The following LIMS1 variants were observed in gnomAD, a reference collection of about 807,000 sequenced individuals.
LIMS1 encodes LIM zinc finger domain containing 1, also known as LIM and senescent cell antigen-like-containing domain protein 1.
LIMS1 carries 18 observed loss-of-function variants against 44.1 expected under a neutral mutation model. The observed-to-expected ratio is 0.41, with a 90% CI of 0.28 to 0.61. The LOEUF (loss-of-function observed/expected upper bound fraction) is 0.61. LIMS1 is among the 20% of genes least tolerant of loss of function. LIMS1 has a pLI of 0.32. For synonymous variants in LIMS1, 93 were observed against 149.1 expected (o/e 0.62, Z 2.74); for missense variants, 201 against 422.0 (o/e 0.48, Z 4.59).
At chr2:108,650,423 T>C (rs904298413) in intron 1 of LIMS1, among the ~76,000 whole-genome samples, 1 of 146,290 alleles carries the variant, frequency 6.8e-6, no homozygotes, top group Non-Finnish European at 1.5e-5. Context: ...CTTTTTTTTT[T>C]TTTTTTCTTT....
chr2:108,584,717 C>T (rs1686024708), intron 1 of LIMS1, among the ~76,000 whole-genome samples: 3 of 152,084 alleles, frequency 2.0e-5, no homozygotes, highest in Middle Eastern at 6.8e-3. Flanking sequence ...TGAGCATTAG[C>T]GAAGGGAAGC....
chr2:108,562,740 C>G (rs1443508735), intron 1 of LIMS1, among the ~76,000 whole-genome samples: 1 of 152,218 alleles, frequency 6.6e-6, no homozygotes, highest in African/African-American at 2.4e-5. Flanking sequence ...TCCAGAAGAT[C>G]TAGCTAAGAT....
At chr2:108,570,620 G>A (rs1685450588) in intron 1 of LIMS1, among the ~76,000 whole-genome samples, 1 of 152,104 alleles carries the variant, frequency 6.6e-6, no homozygotes, top group Non-Finnish European at 1.5e-5. Context: ...AACTCTAAGG[G>A]GTTGTCTCCT....
intron 1 of LIMS1, among the ~76,000 whole-genome samples, chr2:108,544,129 A>G (rs1684406583): frequency 6.6e-6 from 1 of 152,206 alleles, no homozygotes; most frequent in African/African-American, 2.4e-5. Context: ...ATTTGTTAGT[A>G]GTTATTATAG....
intron 1 of LIMS1, among the ~76,000 whole-genome samples, chr2:108,643,269 G>T (rs367919247): frequency 6.6e-6 from 1 of 152,200 alleles, no homozygotes; most frequent in African/African-American, 2.4e-5. Flanking sequence ...CGGAAGGCAG[G>T]TGATTTCTGC....
chr2:108,616,322 C>G (rs1687932571), intron 1 of LIMS1, among the ~76,000 whole-genome samples: 1 of 151,850 alleles, frequency 6.6e-6, no homozygotes, highest in South Asian at 2.1e-4. Context: ...CATGATCCCC[C>G]CATCTCAGTC....
chr2:108,642,354 T>TTG (rs1558824069), intron 1 of LIMS1, among the ~76,000 whole-genome samples: 6 of 10,640 alleles, frequency 5.6e-4, no homozygotes, highest in African/African-American at 9.3e-4. Context: ...TTTTTTTTTT[T>TTG]TTTGTTTTTT....
At chr2:108,612,011 T>TATTATATATACACACATAA (rs1687670312) in intron 1 of LIMS1, among the ~76,000 whole-genome samples, 3 of 133,546 alleles carry the variant, frequency 2.2e-5, no homozygotes, top group Non-Finnish European at 3.2e-5. Context: ...TACACACATA[T>TATTATATATACACACATAA]ATATATACAC....
At chr2:108,606,756 G>T (rs1376334033) in intron 1 of LIMS1, among the ~76,000 whole-genome samples, 2 of 152,192 alleles carry the variant, frequency 1.3e-5, no homozygotes, top group Non-Finnish European at 2.9e-5. Flanking sequence ...GCTCTGGAAG[G>T]CTCCACCAAA....
At chr2:108,553,776 A>G (rs1245772702) in intron 1 of LIMS1, among the ~76,000 whole-genome samples, 1 of 152,188 alleles carries the variant, frequency 6.6e-6, no homozygotes, top group African/African-American at 2.4e-5. Flanking sequence ...TCTGTTGGAC[A>G]TTAGAGTATA....
chr2:108,680,759 A>G, exon 9 of LIMS1: 1 of 1,610,334 alleles, frequency 6.2e-7, no homozygotes, highest in Non-Finnish European at 8.5e-7. Context: ...GCAACACTAA[A>G]TTAACACTCA....
chr2:108,559,978 C>A lies in LIMS1; in HGVS notation c.32+25384C>A, dbSNP rs1685059426. Among the ~76,000 whole-genome samples, 3 of 147,470 alleles carry A rather than the reference C, an allele frequency of 2.0e-5. No homozygotes were observed. In the South Asian group the frequency reaches 7.2e-4, roughly 35 times the overall value. ...ACCACCTCCCATGGAGTCCTGGGTT[C>A]TCCCCACGTTGGAGCATCCTTTGCT... On this transcript the variant is annotated intron_variant, in intron 1 of 9. Transcript: ENST00000544547.
rs535462381 is a variant in LIMS1 at position 108,583,945 on chromosome 2, C to T, written c.32+49351C>T. 3.3e-5 allele frequency among the ~76,000 whole-genome samples: 5 copies of T among 152,056 alleles called. No homozygotes were observed. In the South Asian group the frequency reaches 8.3e-4, roughly 25 times the overall value. The stretch of plus-strand genomic sequence containing the variant: ...CTGACCTCAAGTGATCTGACCGCCT[C>T]GGCCTCCCAAAGTGCTGAGATTACA... On this transcript the variant is annotated intron_variant, in intron 1 of 9. Coordinates refer to ENST00000544547, the Ensembl canonical transcript of LIMS1.
chr2:108,673,142 G>A, intron 5 of LIMS1, 113 bp downstream of exon 5: 1 of 1,468,820 alleles, frequency 6.8e-7, no homozygotes, highest in Non-Finnish European at 9.3e-7. Flanking sequence ...TTTTAGTCTA[G>A]AAAATTTTAA....
rs1164871603 is a variant in LIMS1, at chr2:108,540,092, G to GA, written c.32+5508dup. 1.1e-4 allele frequency among the ~76,000 whole-genome samples: 15 copies of GA among 142,274 alleles called. 1 individual carries two copies. The highest frequency in any genetic ancestry group is 4.6e-4 in the South Asian group (2 of 4,388). 93.3% of individuals were successfully genotyped at this position (142,274 alleles called of 152,430 possible). ...ACTGTAAACTTATTCCAACTGGCTTGAAAAAAAAAATCTATGCACATACTA... is the reference window on the plus strand; with the variant it reads ...ACTGTAAACTTATTCCAACTGGCTTGAAAAAAAAAAATCTATGCACATACTA... On this transcript the variant is annotated intron_variant, in intron 1 of 9. Transcript: ENST00000544547.
intron 8 of LIMS1, among the ~76,000 whole-genome samples, chr2:108,679,205 T>G (rs746559039): frequency 3.6e-4 from 54 of 151,314 alleles, no homozygotes; most frequent in Non-Finnish European, 6.8e-4. Context: ...AGGACCAGGC[T>G]CAGTGGCTCA....
intron 1 of LIMS1, among the ~76,000 whole-genome samples, chr2:108,561,911 TTTTGTAC>T (rs1685138594): frequency 6.6e-6 from 1 of 151,802 alleles, no homozygotes; most frequent in African/African-American, 2.4e-5. Context: ...CCCAGCTAAT[TTTTGTAC>T]TTTGTAGTAG....
intron 1 of LIMS1, among the ~76,000 whole-genome samples, chr2:108,555,165 A>AC (rs1684882791): frequency 6.6e-6 from 1 of 152,106 alleles, no homozygotes; most frequent in Admixed American, 6.6e-5. Flanking sequence ...TATCCACATG[A>AC]TCTGGGTTGC....
chr2:108,607,166 C>T, intron 1 of LIMS1: 1 of 1,541,178 alleles, frequency 6.5e-7, no homozygotes, highest in Non-Finnish European at 8.8e-7. Context: ...CATGTGAGGA[C>T]ACAGTGAGAG....
Sources: allele counts gnomAD v4.1 joint callset (sites outside exome capture counted in the v4.1 genomes callset), GRCh38; gene constraint gnomAD v4.1.1; transcripts MANE v1.5; gene names NCBI Gene and HGNC (gene_info 2026-07-23, HGNC 2026-07-21).